Variants in TLK1 observed in about 807,000 individuals in gnomAD.
TLK1 encodes the protein serine/threonine-protein kinase tousled-like 1.
Under a neutral mutation model 105.3 loss-of-function variants are expected in TLK1, and 24 were observed. The ratio of observed to expected loss-of-function variants is 0.23; its 90% CI spans 0.17 to 0.32. The LOEUF is 0.32. TLK1 is among the 10% of genes least tolerant of loss of function. The probability of loss-of-function intolerance (pLI) is 1.00; values close to 1 mark genes in which losing one functional copy is unlikely to be tolerated. For synonymous variants in TLK1, 321 were observed against 310.4 expected (o/e 1.03, Z -0.36); for missense variants, 558 against 910.5 (o/e 0.61, Z 4.98).
Position 171,050,109 on chromosome 2 carries a change from T to C in TLK1, c.798A>G (p.Arg266=). The change falls in exon 9 of 21, where the codon CGA becomes CGG. Residue 266 remains arginine (R), a synonymous_variant. Transcript: ENST00000431350. ...QQKLLEKYKE[R]LNKCISMSKK... ...TGCTCATTGATATGCACTTATTTAATCGTTCTTTGTATTTTTCAAGTAATT... is the reference window on the plus strand; with the variant it reads ...TGCTCATTGATATGCACTTATTTAACCGTTCTTTGTATTTTTCAAGTAATT... 6.2e-7 allele frequency: 1 copy of C among 1,600,290 alleles called. No individual in the cohort carries two copies. Among genetic ancestry groups the C allele is most frequent in the Non-Finnish European group, 8.5e-7 (1 of 1,171,156 alleles).
At chr2:171,156,840 CTTTT>C (rs879561926) in intron 1 of TLK1, among the ~76,000 whole-genome samples, 1 of 151,972 alleles carries the variant, frequency 6.6e-6, no homozygotes, top group South Asian at 2.1e-4. Flanking sequence ...ATCATGCCAT[CTTTT>C]TTTTGAGAAA....
intron 1 of TLK1, among the ~76,000 whole-genome samples, chr2:171,144,113 C>T (rs1691698996): frequency 6.6e-6 from 1 of 150,684 alleles, no homozygotes; most frequent in African/African-American, 2.4e-5. Flanking sequence ...AATTAAGGGT[C>T]AATTTATTAG....
intron 1 of TLK1, among the ~76,000 whole-genome samples, chr2:171,126,216 G>A (rs1320572462): frequency 6.6e-6 from 1 of 152,024 alleles, no homozygotes; most frequent in African/African-American, 2.4e-5. Flanking sequence ...ATATAACAAG[G>A]AATGTCACTA....
intron 10 of TLK1, among the ~76,000 whole-genome samples, chr2:171,049,510 T>C (rs1687132114): frequency 6.6e-6 from 1 of 152,150 alleles, no homozygotes; most frequent in Non-Finnish European, 1.5e-5. Flanking sequence ...AATCTTCCAG[T>C]GAAAATTAAA....
intron 1 of TLK1, among the ~76,000 whole-genome samples, chr2:171,220,423 T>C (rs1693787760): frequency 6.6e-6 from 1 of 152,118 alleles, no homozygotes; most frequent in African/African-American, 2.4e-5. Context: ...TGACAGTGTA[T>C]GATTTCCAGA....
chr2:171,164,763 A>G (rs75533467), upstream of TLK1, among the ~76,000 whole-genome samples: 1 of 152,210 alleles, frequency 6.6e-6, no homozygotes, highest in Non-Finnish European at 1.5e-5. Flanking sequence ...TTAAATGGCA[A>G]GGAGAAGCTC....
At chr2:171,094,159 A>C (rs1039412635) in intron 2 of TLK1, among the ~76,000 whole-genome samples, 5 of 143,966 alleles carry the variant, frequency 3.5e-5, no homozygotes, top group African/African-American at 1.2e-4. Flanking sequence ...AGTAAATATA[A>C]TTAGAAATAA....
chr2:171,143,809 G>A (rs1188435696), intron 1 of TLK1, among the ~76,000 whole-genome samples: 1 of 151,854 alleles, frequency 6.6e-6, no homozygotes, highest in South Asian at 2.1e-4. Flanking sequence ...GAGACCTATA[G>A]AAAACAAAAC....
chr2:171,005,358 C>T (rs890665408), intron 18 of TLK1, among the ~76,000 whole-genome samples: 2 of 152,114 alleles, frequency 1.3e-5, no homozygotes, highest in Non-Finnish European at 2.9e-5. Context: ...TAAATCTAGA[C>T]ATATCAAGTC....
intron 1 of TLK1, among the ~76,000 whole-genome samples, chr2:171,130,947 A>G (rs930061875): frequency 1.3e-5 from 2 of 152,202 alleles, no homozygotes; most frequent in African/African-American, 4.8e-5. Flanking sequence ...CTAGAAAGAC[A>G]TATTTCCAAA....
At position 170,993,975 on chromosome 2, in the gene TLK1, A is replaced by ATGT. The variant is rs753524534; in HGVS notation, c.2125-22_2125-20dup. 6.4e-7 allele frequency: 1 copy of ATGT among 1,565,038 alleles called. No homozygotes were observed. Among genetic ancestry groups the ATGT allele is most frequent in the African/African-American group, 1.4e-5 (1 of 73,096 alleles). On this transcript the variant is annotated intron_variant, in intron 20 of 20. Coordinates refer to ENST00000431350, the MANE Select transcript of TLK1 (RefSeq NM_012290.5). Reference sequence around the variant, plus strand: ...TAAATGCCTCAAAAAGAGAAAGGAAATGTTAGCAATTAATGATCTTTTTCC... The same window carrying ATGT: ...TAAATGCCTCAAAAAGAGAAAGGAAATGTTGTTAGCAATTAATGATCTTTTTCC...
At chr2:171,078,101 T>A (rs1688593992) in intron 3 of TLK1, among the ~76,000 whole-genome samples, 1 of 152,198 alleles carries the variant, frequency 6.6e-6, no homozygotes, top group East Asian at 1.9e-4. Flanking sequence ...TACTGTGCCA[T>A]CTACACTTGT....
chr2:171,185,133 C>T (rs535264816), intron 1 of TLK1, among the ~76,000 whole-genome samples: 1 of 152,310 alleles, frequency 6.6e-6, no homozygotes, highest in East Asian at 1.9e-4. Context: ...GCCACCGAGC[C>T]CGGCCTATAA....
At chr2:171,161,844 T>C (rs992803148), upstream of TLK1, among the ~76,000 whole-genome samples, 5 of 147,614 alleles carry the variant, frequency 3.4e-5, no homozygotes, top group African/African-American at 5.2e-5. Context: ...ACACCAGGGA[T>C]TGGGCTTCTT....
chr2:171,204,369 G>A (rs1293314232), intron 1 of TLK1, among the ~76,000 whole-genome samples: 3 of 152,164 alleles, frequency 2.0e-5, no homozygotes, highest in Non-Finnish European at 4.4e-5. Context: ...TTAAATTCTA[G>A]TAACCACTAA....
At chr2:171,078,200 T>G (rs541414487) in intron 3 of TLK1, among the ~76,000 whole-genome samples, 3 of 152,184 alleles carry the variant, frequency 2.0e-5, no homozygotes, top group Non-Finnish European at 2.9e-5. Context: ...TCCTTCTTTA[T>G]GCTAATTCCA....
intron 1 of TLK1, among the ~76,000 whole-genome samples, chr2:171,153,108 A>T (rs961781435): frequency 6.6e-6 from 1 of 152,212 alleles, no homozygotes; most frequent in Non-Finnish European, 1.5e-5. Flanking sequence ...TGCTTAGGAA[A>T]AACTACTAAA....
chr2:171,088,758 TA>T (rs1689092232), intron 2 of TLK1, among the ~76,000 whole-genome samples: 1 of 152,076 alleles, frequency 6.6e-6, no homozygotes, highest in African/African-American at 2.4e-5. Context: ...TCAGATACAC[TA>T]AAAACAAAGT....
intron 1 of TLK1, among the ~76,000 whole-genome samples, chr2:171,228,680 A>C (rs1480045452): frequency 1.3e-5 from 2 of 152,216 alleles, no homozygotes; most frequent in Admixed American, 6.5e-5. Flanking sequence ...TTCAGTTGAC[A>C]GCGTTTAAAC....
Sources: allele counts gnomAD v4.1 joint callset (sites outside exome capture counted in the v4.1 genomes callset), GRCh38; gene constraint gnomAD v4.1.1; transcripts MANE v1.5; gene names NCBI Gene and HGNC (gene_info 2026-07-23, HGNC 2026-07-21).